GRM5: variants seen among roughly 807,000 people sequenced by gnomAD.
The protein encoded by GRM5 is metabotropic glutamate receptor 5.
In GRM5, 19 loss-of-function variants were observed where a neutral mutation model predicts 83.1. That is an observed-to-expected ratio of 0.23 (90% CI 0.16 to 0.34). The LOEUF (loss-of-function observed/expected upper bound fraction) is 0.34, where lower values mean the gene tolerates loss of function less well. Among genes scored for constraint, GRM5 ranks in the 10% least tolerant of loss-of-function variants. The probability of loss-of-function intolerance (pLI) is 1.00; values close to 1 mark genes in which losing one functional copy is unlikely to be tolerated. For missense variants in GRM5, 1,160 were observed against 1,588.3 expected (o/e 0.73, Z 4.58); for synonymous variants, 675 against 633.6 (o/e 1.07, Z -0.98).
intron 4 of GRM5, among the ~76,000 whole-genome samples, chr11:88,633,194 A>C (rs1939026972): frequency 6.6e-6 from 1 of 152,202 alleles, no homozygotes. Flanking sequence ...ATTAAAAATG[A>C]CTAAAAGAAA....
intron 3 of GRM5, among the ~76,000 whole-genome samples, chr11:88,846,424 C>G (rs925062280): frequency 8.5e-5 from 13 of 152,144 alleles, no homozygotes; most frequent in African/African-American, 3.1e-4. Context: ...GGCAATGAGA[C>G]AGCAGATTAC....
intron 9 of GRM5, among the ~76,000 whole-genome samples, chr11:88,521,151 C>T (rs891347560): frequency 1.3e-5 from 2 of 152,126 alleles, no homozygotes; most frequent in Non-Finnish European, 2.9e-5. Context: ...GGAGTGGTGG[C>T]TCACGCCTGT....
intron 7 of GRM5, among the ~76,000 whole-genome samples, chr11:88,586,949 C>A (rs530398356): frequency 6.6e-6 from 1 of 152,104 alleles, no homozygotes. Flanking sequence ...CACAGGCTGG[C>A]CTTAATACCT....
chr11:88,703,123 A>G (rs897227566), intron 3 of GRM5, among the ~76,000 whole-genome samples: 1 of 152,056 alleles, frequency 6.6e-6, no homozygotes, highest in East Asian at 1.9e-4. Flanking sequence ...ATGTTGTTGT[A>G]TATAAACTCT....
rs370309121 is a variant in GRM5 at position 88,912,454 on chromosome 11, A to T, written c.662-62299T>A. On this transcript the variant is annotated intron_variant, in intron 2 of 9. Transcript: ENST00000305447. ...CTTGCATTTGCCCTCTATGCATTTGATTTGCTCTCTCTTTCTCTGCATTGT... is the reference window on the plus strand; with the variant it reads ...CTTGCATTTGCCCTCTATGCATTTGTTTTGCTCTCTCTTTCTCTGCATTGT... 7.0e-3 allele frequency among the ~76,000 whole-genome samples: 922 copies of T among 132,216 alleles called. 6 individuals are homozygous for T. Among genetic ancestry groups the T allele is most frequent in the African/African-American group, 0.025 (862 of 34,884 alleles). The allele number at this position is 132,216 out of a possible 152,430, so 86.7% of individuals were successfully genotyped here. A position where few individuals can be genotyped will look rare whatever the true frequency, so the allele number is the denominator to read the frequency against.
intron 2 of GRM5, among the ~76,000 whole-genome samples, chr11:88,903,607 G>C (rs909863958): frequency 2.0e-5 from 3 of 152,122 alleles, no homozygotes; most frequent in African/African-American, 4.8e-5. Flanking sequence ...AATGAGGATG[G>C]AACAGGAGGC....
At chr11:88,729,196 T>C (rs1370279775) in intron 3 of GRM5, among the ~76,000 whole-genome samples, 1 of 152,052 alleles carries the variant, frequency 6.6e-6, no homozygotes, top group Non-Finnish European at 1.5e-5. Flanking sequence ...ACAAAATCAA[T>C]GTGGGAAAAT....
intron 3 of GRM5, among the ~76,000 whole-genome samples, chr11:88,837,125 AT>A (rs1394392374): frequency 6.6e-6 from 1 of 152,196 alleles, no homozygotes; most frequent in African/African-American, 2.4e-5. Context: ...AAAAAGAAAC[AT>A]TTTCAGAATC....
intron 2 of GRM5, among the ~76,000 whole-genome samples, chr11:88,857,229 C>G (rs1383362206): frequency 6.6e-6 from 1 of 152,038 alleles, no homozygotes; most frequent in Non-Finnish European, 1.5e-5. Flanking sequence ...TATGAGAATG[C>G]CTGTTTCTCC....
At chr11:88,627,996 C>T (rs969923840) in intron 4 of GRM5, among the ~76,000 whole-genome samples, 2 of 152,148 alleles carry the variant, frequency 1.3e-5, no homozygotes, top group African/African-American at 2.4e-5. Context: ...TTATTTGTTA[C>T]AATCTATGAC....
Position 88,748,712 on chromosome 11 carries a change from C to G in GRM5, c.912-95309G>C, listed in dbSNP as rs376709838. Among the ~76,000 whole-genome samples the G allele has an allele frequency of 3.9e-5, 6 of 152,168 alleles. No homozygotes were observed. In the South Asian group the frequency reaches 1.0e-3, roughly 26 times the overall value. On this transcript the variant is annotated intron_variant, in intron 3 of 9. Transcript: ENST00000305447. ...TGCAGGCTGGCAACAGGTCAGTACC[C>G]CCCCAGGACCAAGCTTCCAGAAAAG...
At chr11:88,866,016 A>G (rs560898166) in intron 2 of GRM5, among the ~76,000 whole-genome samples, 2 of 152,300 alleles carry the variant, frequency 1.3e-5, no homozygotes, top group South Asian at 2.1e-4. Flanking sequence ...TCAAGGATCT[A>G]GAACCAGAAA....
intron 3 of GRM5, among the ~76,000 whole-genome samples, chr11:88,755,256 C>G (rs1362248674): frequency 3.9e-5 from 6 of 152,036 alleles, no homozygotes; most frequent in African/African-American, 4.8e-5. Flanking sequence ...TTTCAGAAAA[C>G]AGAGTCTCAG....
intron 3 of GRM5, among the ~76,000 whole-genome samples, chr11:88,823,631 T>C (rs1430234385): frequency 1.3e-5 from 2 of 152,120 alleles, no homozygotes; most frequent in Admixed American, 1.3e-4. Context: ...TGATCACCCA[T>C]GTTGAGCTGG....
In GRM5 at chr11:88,977,841, T is replaced by A. The variant is rs190425405; in HGVS notation, c.661+69371A>T. ...CTTATGACAATTGACATGAATGTTATTTGGCATCACAATGCCCTGGTAAAT... is the reference window on the plus strand; with the variant it reads ...CTTATGACAATTGACATGAATGTTAATTGGCATCACAATGCCCTGGTAAAT... On this transcript the variant is annotated intron_variant, in intron 2 of 9. Coordinates refer to ENST00000305447, the MANE Select transcript of GRM5 (RefSeq NM_001143831.3). Among the ~76,000 whole-genome samples the A allele has an allele frequency of 1.6e-4, 25 of 152,386 alleles. No individual in the cohort carries two copies. The East Asian group carries it at 4.8e-3, about 29-fold the overall frequency.
At chr11:88,642,830 G>A (rs550185389) in intron 4 of GRM5, among the ~76,000 whole-genome samples, 1 of 152,100 alleles carries the variant, frequency 6.6e-6, no homozygotes. Flanking sequence ...TTATCCGCCT[G>A]AATTTCACTG....
At chr11:88,605,630 G>A (rs1180263246) in intron 4 of GRM5, among the ~76,000 whole-genome samples, 1 of 152,092 alleles carries the variant, frequency 6.6e-6, no homozygotes, top group Non-Finnish European at 1.5e-5. Flanking sequence ...TTGTACATAA[G>A]AAACTTGTCC....
intron 2 of GRM5, among the ~76,000 whole-genome samples, chr11:89,024,568 T>C (rs532026846): frequency 1.1e-4 from 16 of 152,374 alleles, no homozygotes; most frequent in African/African-American, 3.6e-4. Context: ...GGGATGTTTA[T>C]GTATATCTTA....
At chr11:89,057,915 G>T (rs1186578855) in intron 1 of GRM5, among the ~76,000 whole-genome samples, 1 of 151,972 alleles carries the variant, frequency 6.6e-6, no homozygotes, top group Non-Finnish European at 1.5e-5. Context: ...ACCCTGTAAG[G>T]TAGGTATAAT....
Sources: allele counts gnomAD v4.1 joint callset (sites outside exome capture counted in the v4.1 genomes callset), GRCh38; gene constraint gnomAD v4.1.1; transcripts MANE v1.5; gene names NCBI Gene and HGNC (gene_info 2026-07-23, HGNC 2026-07-21).